The following LPP variants were observed in gnomAD, a reference collection of about 807,000 sequenced individuals.
The protein encoded by LPP is lipoma-preferred partner.
Under a neutral mutation model 60.4 loss-of-function variants are expected in LPP, and 38 were observed. The ratio of observed to expected loss-of-function variants is 0.63; its 90% CI spans 0.49 to 0.83. The LOEUF is 0.83. Among genes scored for constraint, LPP ranks in the 40% least tolerant of loss-of-function variants. The probability of loss-of-function intolerance (pLI) is 0.00; values close to 1 mark genes in which losing one functional copy is unlikely to be tolerated. For synonymous variants in LPP, 328 were observed against 290.8 expected (o/e 1.13, Z -1.30); for missense variants, 902 against 783.6 (o/e 1.15, Z -1.80).
In LPP at chr3:188,297,918, A is replaced by G. The variant is rs527400597; in HGVS notation, c.-66-43745A>G. 4.6e-5 allele frequency among the ~76,000 whole-genome samples: 7 copies of G among 152,328 alleles called. No individual in the cohort carries two copies. In the South Asian group the frequency reaches 6.2e-4, roughly 14 times the overall value. ...AGAAATGTAGTAGCCATGATGGATT[A>G]TGTATCTTTGAATTGGGAGCCTATG... On this transcript the variant is annotated intron_variant, in intron 2 of 11. Coordinates refer to ENST00000617246, the MANE Select transcript of LPP (RefSeq NM_001375462.1).
chr3:188,209,353 T>C (rs1169468847), intron 1 of LPP, among the ~76,000 whole-genome samples: 1 of 152,208 alleles, frequency 6.6e-6, no homozygotes, highest in African/African-American at 2.4e-5. Flanking sequence ...GGAGGCATCA[T>C]TGTACTTACT....
chr3:188,779,824 G>A (rs1739063530), intron 9 of LPP, among the ~76,000 whole-genome samples: 1 of 151,978 alleles, frequency 6.6e-6, no homozygotes. Context: ...CTTCCACTTG[G>A]CAGCCTTTTA....
chr3:188,189,176 C>T lies in LPP; in HGVS notation c.-190+34924C>T, dbSNP rs148043385. On this transcript the variant is annotated intron_variant, in intron 1 of 11. Coordinates refer to ENST00000617246, the MANE Select transcript of LPP (RefSeq NM_001375462.1). ...CTGAGGCTCACTGAAGCCTCAACCA[C>T]CTCAGGCTCAGTTTGTCTTCCCACC... Among the ~76,000 whole-genome samples the T allele has an allele frequency of 3.4e-3, 513 of 152,302 alleles. 1 individual carries two copies. Among genetic ancestry groups the T allele is most frequent in the Middle Eastern group, 6.8e-3 (2 of 294 alleles).
chr3:188,705,915 C>A (rs1435573715), intron 7 of LPP, among the ~76,000 whole-genome samples: 2 of 152,108 alleles, frequency 1.3e-5, no homozygotes, highest in Non-Finnish European at 2.9e-5. Context: ...CTGTGCCCGA[C>A]CTGTGCTTTT....
At chr3:188,170,948 C>T (rs1262675846) in intron 1 of LPP, among the ~76,000 whole-genome samples, 1 of 152,160 alleles carries the variant, frequency 6.6e-6, no homozygotes, top group Admixed American at 6.5e-5. Flanking sequence ...TCTGCCATAT[C>T]ATGGGAGATT....
chr3:188,801,833 C>G (rs992564407), intron 9 of LPP, among the ~76,000 whole-genome samples: 1 of 152,260 alleles, frequency 6.6e-6, no homozygotes, highest in African/African-American at 2.4e-5. Flanking sequence ...CTGTTCTTAC[C>G]TTTTGTGAAT....
At chr3:188,538,626 A>G (rs1465411727) in intron 6 of LPP, among the ~76,000 whole-genome samples, 2 of 152,224 alleles carry the variant, frequency 1.3e-5, no homozygotes, top group Non-Finnish European at 2.9e-5. Flanking sequence ...CAATCTGTCA[A>G]TTCTTCAAAA....
At position 188,258,837 on chromosome 3, in the gene LPP, A is replaced by G. The variant is rs181650368; in HGVS notation, c.-67+33310A>G. Among the ~76,000 whole-genome samples, 131 of 152,234 alleles carry G rather than the reference A, an allele frequency of 8.6e-4. 1 individual carries two copies. Among genetic ancestry groups the G allele is most frequent in the Non-Finnish European group, 1.6e-3 (111 of 68,012 alleles). ...CTCAATCTTATGATGTTACCATTCC[A>G]TTGAAGGGTGGGATTTATTCACTGA... is the stretch of plus-strand genomic sequence containing the variant. On this transcript the variant is annotated intron_variant, in intron 2 of 11. Coordinates refer to ENST00000617246, the MANE Select transcript of LPP (RefSeq NM_001375462.1).
intron 9 of LPP, among the ~76,000 whole-genome samples, chr3:188,848,347 C>T (rs1013905337): frequency 2.0e-5 from 3 of 152,226 alleles, no homozygotes; most frequent in African/African-American, 7.2e-5. Context: ...TTTCCACCAG[C>T]ATACTGCATG....
rs561078939 is a variant in LPP at position 188,442,645 on chromosome 3, A to G, written c.193+36332A>G. ...AAGCCAACTGAGGTGTGACCGTGGT[A>G]TTTCCTGAAGTGGCTTTCTTTTGCT... On this transcript the variant is annotated intron_variant, in intron 4 of 11. Coordinates refer to ENST00000617246, the MANE Select transcript of LPP (RefSeq NM_001375462.1). Among the ~76,000 whole-genome samples the G allele has an allele frequency of 5.3e-5, 8 of 152,218 alleles. No homozygotes were observed. The South Asian group carries it at 1.2e-3, about 24-fold the overall frequency.
chr3:188,583,921 C>T (rs1463879460), intron 6 of LPP, among the ~76,000 whole-genome samples: 2 of 152,138 alleles, frequency 1.3e-5, no homozygotes, highest in African/African-American at 4.8e-5. Context: ...CAAGTCCCTT[C>T]TCTTGACCAC....
intron 8 of LPP, among the ~76,000 whole-genome samples, chr3:188,731,215 G>A (rs1032508607): frequency 2.6e-5 from 4 of 152,110 alleles, no homozygotes; most frequent in African/African-American, 9.7e-5. Context: ...ATGCATGGCG[G>A]GGACCTAAAT....
intron 1 of LPP, among the ~76,000 whole-genome samples, chr3:188,207,556 C>T (rs1733630600): frequency 6.6e-6 from 1 of 151,568 alleles, no homozygotes; most frequent in Non-Finnish European, 1.5e-5. Context: ...TTGATTTTAA[C>T]TTGCTGGTCT....
At chr3:188,733,325 A>G (rs1721335280) in intron 8 of LPP, among the ~76,000 whole-genome samples, 1 of 150,318 alleles carries the variant, frequency 6.7e-6, no homozygotes, top group African/African-American at 2.4e-5. Flanking sequence ...GTGTACATTT[A>G]TATACCATAC....
intron 2 of LPP, among the ~76,000 whole-genome samples, chr3:188,253,828 T>C (rs920446158): frequency 6.6e-6 from 1 of 152,190 alleles, no homozygotes; most frequent in East Asian, 1.9e-4. Flanking sequence ...CTTCCCCAAA[T>C]AAATTATGAG....
At chr3:188,243,257 T>A (rs919336636) in intron 2 of LPP, among the ~76,000 whole-genome samples, 14 of 152,156 alleles carry the variant, frequency 9.2e-5, no homozygotes, top group African/African-American at 3.4e-4. Flanking sequence ...TAAAACAAAC[T>A]AGTGAGAACC....
At chr3:188,381,976 A>G (rs925288853) in intron 3 of LPP, among the ~76,000 whole-genome samples, 6 of 151,276 alleles carry the variant, frequency 4.0e-5, no homozygotes, top group African/African-American at 1.5e-4. Flanking sequence ...TTGTAGAGAC[A>G]GGGGTCTTGC....
At chr3:188,384,853 G>C (rs1777863757) in intron 3 of LPP, among the ~76,000 whole-genome samples, 1 of 147,530 alleles carries the variant, frequency 6.8e-6, no homozygotes, top group Non-Finnish European at 1.5e-5. Flanking sequence ...TCCTTTCCAT[G>C]ATGCATTTGA....
chr3:188,406,154 AC>A lies in LPP; in HGVS notation c.35del (p.Thr12MetfsTer37), dbSNP rs756087124. 1 of 1,613,836 alleles carries A rather than the reference AC, an allele frequency of 6.2e-7. No individual in the cohort carries two copies. The highest frequency in any genetic ancestry group is 1.1e-5 in the South Asian group (1 of 91,028). ...CCCATCTTGGCTGCCACCCAAAAGC[AC>A]TGGTGAGCCCCTCGGCCATGTGCCT... is the stretch of plus-strand genomic sequence containing the variant. Reference protein sequence around the residue: ...SHPSWLPPKSTGEPLGHVPAR... With the variant: ...SHPSWLPPKSXGEPLGHVPAR... On this transcript the variant is annotated frameshift_variant, in exon 4 of 12. Coordinates refer to ENST00000617246, the MANE Select transcript of LPP (RefSeq NM_001375462.1). LOFTEE classifies it high-confidence loss of function.
Sources: allele counts gnomAD v4.1 joint callset (sites outside exome capture counted in the v4.1 genomes callset), GRCh38; gene constraint gnomAD v4.1.1; transcripts MANE v1.5; gene names NCBI Gene and HGNC (gene_info 2026-07-23, HGNC 2026-07-21).